MTMR3: variants seen among roughly 807,000 people sequenced by gnomAD.
MTMR3 encodes myotubularin related protein 3, also known as phosphatidylinositol-3,5-bisphosphate 3-phosphatase MTMR3.
Under a neutral mutation model 132.4 loss-of-function variants are expected in MTMR3, and 32 were observed. That is an observed-to-expected ratio of 0.24 (90% CI 0.18 to 0.32). MTMR3 has a LOEUF of 0.32. MTMR3 is among the 10% of genes least tolerant of loss of function. The pLI, the probability that MTMR3 is intolerant of heterozygous loss-of-function variation, is 1.00. For synonymous variants in MTMR3, 556 were observed against 550.3 expected (o/e 1.01, Z -0.14); for missense variants, 1,216 against 1,489.6 (o/e 0.82, Z 3.02).
At chr22:29,975,640 G>T (rs955234374) in intron 3 of MTMR3, among the ~76,000 whole-genome samples, 1 of 152,154 alleles carries the variant, frequency 6.6e-6, no homozygotes, top group Non-Finnish European at 1.5e-5. Context: ...TTGCTCTATT[G>T]CCCAGGCTTG....
intron 1 of MTMR3, among the ~76,000 whole-genome samples, chr22:29,927,939 G>GTTTTTTTTT (rs764629136): frequency 1.7e-4 from 18 of 107,380 alleles, no homozygotes; most frequent in Non-Finnish European, 2.2e-4. Flanking sequence ...TCTAGCCTTT[G>GTTTTTTTTT]TTTTTTTTTT....
At chr22:29,978,575 T>A in intron 4 of MTMR3, 44 bp downstream of exon 4, 1 of 1,468,200 alleles carries the variant, frequency 6.8e-7, no homozygotes, top group Middle Eastern at 1.7e-4. Context: ...TATTTAGCAT[T>A]AACTGTATAG....
intron 1 of MTMR3, among the ~76,000 whole-genome samples, chr22:29,928,673 ATTT>A (rs559217140): frequency 4.5e-4 from 67 of 149,500 alleles, no homozygotes; most frequent in African/African-American, 1.7e-3. Context: ...TTTAAAAAAA[ATTT>A]TTTTTTAAGT....
intron 3 of MTMR3, among the ~76,000 whole-genome samples, chr22:29,974,678 C>T (rs1027707152): frequency 1.3e-5 from 2 of 152,126 alleles, no homozygotes; most frequent in African/African-American, 2.4e-5. Context: ...TCTTTACAAG[C>T]CTGCTACATT....
chr22:29,992,755 A>G (rs2066989743), intron 7 of MTMR3: 1 of 152,194 alleles, frequency 6.6e-6, no homozygotes, highest in African/African-American at 2.4e-5. Flanking sequence ...TTTGAGGCTA[A>G]TCTTGCTATG....
chr22:29,903,390 C>CTTTTTTTTTT (rs35625964), intron 1 of MTMR3, among the ~76,000 whole-genome samples: 2 of 119,708 alleles, frequency 1.7e-5, no homozygotes, highest in Non-Finnish European at 3.3e-5. Context: ...CTTTTTCTTT[C>CTTTTTTTTTT]TTTTTTTTTT....
At position 30,020,193 on chromosome 22, in the gene MTMR3, C is replaced by A. The variant is rs768029653; in HGVS notation, c.2534C>A (p.Ser845Tyr). The change falls in exon 17 of 20, where the codon TCT (serine) becomes TAT (tyrosine). Residue 845 changes from serine (S) to tyrosine (Y), a missense_variant. Transcript: ENST00000401950. ...FETRGPNVDSSTDMLVEDKVK... is the reference protein window; with the variant it reads ...FETRGPNVDSYTDMLVEDKVK... Reference sequence around the variant, plus strand: ...ACCAGAGGACCAAACGTGGACAGTTCTACAGACATGTTAGTGGAAGATAAG... The same window carrying A: ...ACCAGAGGACCAAACGTGGACAGTTATACAGACATGTTAGTGGAAGATAAG... The A allele has an allele frequency of 5.0e-6, 8 of 1,614,082 alleles. No homozygotes were observed. The African/African-American group carries it at 1.1e-4, about 22-fold the overall frequency.
intron 2 of MTMR3, among the ~76,000 whole-genome samples, chr22:29,964,850 A>C (rs1186022908): frequency 6.6e-6 from 1 of 152,198 alleles, no homozygotes; most frequent in Non-Finnish European, 1.5e-5. Context: ...ACTGTATTTT[A>C]AACTTACTAC....
At chr22:30,015,420 C>G (rs1208487690) in intron 14 of MTMR3, 4 of 151,942 alleles carry the variant, frequency 2.6e-5, no homozygotes, top group African/African-American at 7.3e-5. Context: ...CAGAAGTCTT[C>G]TCTCTCACCA....
chr22:29,945,991 A>G (rs188695292), intron 1 of MTMR3, among the ~76,000 whole-genome samples: 62 of 147,572 alleles, frequency 4.2e-4, no homozygotes, highest in African/African-American at 1.5e-3. Context: ...TATAAATTCA[A>G]TTGTAAAACT....
intron 2 of MTMR3, among the ~76,000 whole-genome samples, chr22:29,957,882 A>G (rs5763641): frequency 6.6e-6 from 1 of 152,114 alleles, no homozygotes; most frequent in Non-Finnish European, 1.5e-5. Context: ...TATGACTTTC[A>G]TTATAGTGTA....
In MTMR3 at chr22:30,028,661, T is replaced by C. The variant is rs1350084319; in HGVS notation, c.*2860T>C. 6.6e-6 allele frequency: 1 copy of C among 152,366 alleles called. No homozygotes were observed. Among genetic ancestry groups the C allele is most frequent in the Non-Finnish European group, 1.5e-5 (1 of 68,066 alleles). 9.4% of individuals were successfully genotyped at this position (152,366 alleles called of 1,614,324 possible). A position where few individuals can be genotyped will look rare whatever the true frequency, so the allele number is the denominator to read the frequency against. On this transcript the variant is annotated 3_prime_UTR_variant, in exon 20 of 20. Coordinates refer to ENST00000401950, the MANE Select transcript of MTMR3 (RefSeq NM_021090.4). ...TTGGCTAAGATCCAGAGTGACCTGC[T>C]CAGAGCTCCCCAGAGGCCTTCACTC...
At chr22:29,889,057 A>G (rs2064738942) in intron 1 of MTMR3, among the ~76,000 whole-genome samples, 1 of 152,124 alleles carries the variant, frequency 6.6e-6, no homozygotes, top group African/African-American at 2.4e-5. Flanking sequence ...TATGAAGACA[A>G]GATGGTTATA....
intron 4 of MTMR3, 114 bp downstream of exon 4, chr22:29,978,645 G>C (rs1183772495): frequency 7.8e-6 from 6 of 764,648 alleles, no homozygotes; most frequent in Non-Finnish European, 1.2e-5. Flanking sequence ...CATACATGTA[G>C]TAGAAATGCA....
chr22:29,985,800 T>C lies in MTMR3; in HGVS notation c.211-2680T>C, dbSNP rs2412962. 3.3e-5 allele frequency: 5 copies of C among 152,340 alleles called. 1 individual carries two copies. Among genetic ancestry groups the C allele is most frequent in the Admixed American group, 3.3e-4 (5 of 15,308 alleles). 9.4% of individuals were successfully genotyped at this position (152,340 alleles called of 1,614,324 possible). A position where few individuals can be genotyped will look rare whatever the true frequency, so the allele number is the denominator to read the frequency against. The stretch of plus-strand genomic sequence containing the variant: ...AACATTCTAATTCTTTTTTCTTCAA[T>C]TTAAGATGTTAAAATATAGAAAAAA... On this transcript the variant is annotated intron_variant, in intron 5 of 19. Coordinates refer to ENST00000401950, the MANE Select transcript of MTMR3 (RefSeq NM_021090.4).
intron 1 of MTMR3, among the ~76,000 whole-genome samples, chr22:29,927,935 C>CTTTT (rs1448628702): frequency 1.1e-3 from 121 of 108,308 alleles, no homozygotes; most frequent in East Asian, 3.1e-3. Context: ...AATCTCTAGC[C>CTTTT]TTTGTTTTTT....
Position 30,020,684 on chromosome 22 carries a change from C to G in MTMR3, c.3025C>G (p.Gln1009Glu). 2 of 1,614,260 alleles carry G rather than the reference C, an allele frequency of 1.2e-6. No individual in the cohort carries two copies. The highest frequency in any genetic ancestry group is 1.7e-6 in the Non-Finnish European group (2 of 1,180,048). The change falls in exon 17 of 20, where the codon CAG becomes GAG. Residue 1009 changes from glutamine to glutamate, a missense_variant. This residue lies in a region of MTMR3 where 852 missense variants were observed against 852.0 expected (regional missense o/e 1.00). Transcript: ENST00000401950. ...GCCATCTGCAACCAGCAGCCCCGACCAGCCTTCCCGCAGCCACCTGGACGA... is the reference window on the plus strand; with the variant it reads ...GCCATCTGCAACCAGCAGCCCCGACGAGCCTTCCCGCAGCCACCTGGACGA... ...GRPSATSSPD[Q>E]PSRSHLDDDG...
At chr22:29,888,080 C>T (rs1353208210) in intron 1 of MTMR3, among the ~76,000 whole-genome samples, 5 of 151,840 alleles carry the variant, frequency 3.3e-5, no homozygotes, top group African/African-American at 1.2e-4. Flanking sequence ...TGCAGTGGCA[C>T]GATCTCGGCT....
At chr22:29,938,882 C>T (rs550692973) in intron 1 of MTMR3, among the ~76,000 whole-genome samples, 8 of 151,950 alleles carry the variant, frequency 5.3e-5, no homozygotes, top group South Asian at 2.1e-4. Flanking sequence ...AGTGCAGTGT[C>T]GTGATCTCAG....
Sources: allele counts gnomAD v4.1 joint callset (sites outside exome capture counted in the v4.1 genomes callset), GRCh38; gene constraint gnomAD v4.1.1; regional missense constraint gnomAD v4.1.1; transcripts MANE v1.5; gene names NCBI Gene and HGNC (gene_info 2026-07-23, HGNC 2026-07-21).